CMIP: variants seen among roughly 807,000 people sequenced by gnomAD.
CMIP encodes the protein c-Maf inducing protein.
In CMIP, 13 loss-of-function variants were observed where a neutral mutation model predicts 97.3. The ratio of observed to expected loss-of-function variants is 0.13; its 90% CI spans 0.09 to 0.21. CMIP has a LOEUF of 0.21. CMIP is among the 10% of genes least tolerant of loss of function. The pLI is 1.00. For missense variants in CMIP, 847 were observed against 1,024.9 expected (o/e 0.83, Z 2.37); for synonymous variants, 538 against 436.3 (o/e 1.23, Z -2.91).
At chr16:81,554,166 A>G (rs527967974) in intron 1 of CMIP, among the ~76,000 whole-genome samples, 2 of 152,370 alleles carry the variant, frequency 1.3e-5, no homozygotes, top group South Asian at 2.1e-4. Flanking sequence ...TAATACAATC[A>G]GTGCCTGATA....
At chr16:81,492,697 G>A (rs7193307) in intron 1 of CMIP, among the ~76,000 whole-genome samples, 31,051 of 152,086 alleles carry the variant, frequency 0.2, 3,488 homozygotes, top group East Asian at 0.37. Context: ...GGAGAAAAAG[G>A]GGGGAAGAGA....
At chr16:81,692,631 T>A (rs1906225539) in intron 11 of CMIP, among the ~76,000 whole-genome samples, 1 of 152,022 alleles carries the variant, frequency 6.6e-6, no homozygotes, top group South Asian at 2.1e-4. Context: ...TCCCCGAGGG[T>A]CCCCAGTACT....
At chr16:81,676,460 A>G (rs968464254) in intron 9 of CMIP, among the ~76,000 whole-genome samples, 3 of 151,786 alleles carry the variant, frequency 2.0e-5, no homozygotes, top group Non-Finnish European at 4.4e-5. Flanking sequence ...AAAATCACCA[A>G]TCTGAGCCAA....
chr16:81,552,043 T>C (rs1282661016), intron 1 of CMIP, among the ~76,000 whole-genome samples: 1 of 152,148 alleles, frequency 6.6e-6, no homozygotes, highest in East Asian at 1.9e-4. Flanking sequence ...CAGGGAGGAC[T>C]GGGGAGCCCA....
chr16:81,669,248 C>T (rs1390923688), intron 7 of CMIP, among the ~76,000 whole-genome samples: 1 of 129,264 alleles, frequency 7.7e-6, no homozygotes, highest in African/African-American at 3.0e-5. Context: ...TCCACACCCA[C>T]CTCTCACACT....
chr16:81,675,294 C>G (rs145455799), intron 9 of CMIP, among the ~76,000 whole-genome samples: 1 of 152,074 alleles, frequency 6.6e-6, no homozygotes, highest in Admixed American at 6.5e-5. Flanking sequence ...ACCTCTGCCT[C>G]CTGTCTTCAA....
chr16:81,511,016 A>C (rs916072287), intron 1 of CMIP, among the ~76,000 whole-genome samples: 2 of 152,184 alleles, frequency 1.3e-5, no homozygotes, highest in Non-Finnish European at 1.5e-5. Context: ...CACAGCTGCC[A>C]GCCTAACTTT....
chr16:81,468,303 C>A (rs1907327151), intron 1 of CMIP, among the ~76,000 whole-genome samples: 1 of 152,232 alleles, frequency 6.6e-6, no homozygotes, highest in Admixed American at 6.5e-5. Flanking sequence ...CCCACTCAGA[C>A]CCCCAGGTGA....
At chr16:81,486,415 G>A (rs948804350) in intron 1 of CMIP, among the ~76,000 whole-genome samples, 1 of 152,202 alleles carries the variant, frequency 6.6e-6, no homozygotes. Context: ...TTGTTCTTGG[G>A]TTTCTTTTCT....
chr16:81,457,510 T>G (rs1226314235), intron 1 of CMIP, among the ~76,000 whole-genome samples: 1 of 152,156 alleles, frequency 6.6e-6, no homozygotes, highest in Non-Finnish European at 1.5e-5. Context: ...GAGCTTTTAT[T>G]CTAGGTTGGC....
Position 81,660,962 on chromosome 16 carries a change from G to T in CMIP, c.744+16G>T. 1 of 1,613,986 alleles carries T rather than the reference G, an allele frequency of 6.2e-7. No homozygotes were observed. The highest frequency in any genetic ancestry group is 1.1e-5 in the South Asian group (1 of 91,080). On this transcript the variant is annotated intron_variant, in intron 6 of 20. Coordinates refer to ENST00000537098, the MANE Select transcript of CMIP (RefSeq NM_198390.3). ...CTTTTGCAAGGTACGGGATTGCTGAGCTGGGGCTGTGGCTGCAGGAAGTAA... is the reference window on the plus strand; with the variant it reads ...CTTTTGCAAGGTACGGGATTGCTGATCTGGGGCTGTGGCTGCAGGAAGTAA...
chr16:81,669,223 C>T (rs2092651419), intron 7 of CMIP, among the ~76,000 whole-genome samples: 1 of 135,764 alleles, frequency 7.4e-6, no homozygotes, highest in Non-Finnish European at 1.6e-5. Context: ...TCACCTTCCA[C>T]ATCCACCTCA....
chr16:81,523,887 A>G (rs1011473099), intron 1 of CMIP, among the ~76,000 whole-genome samples: 1 of 152,236 alleles, frequency 6.6e-6, no homozygotes, highest in Admixed American at 6.5e-5. Flanking sequence ...CCAAACGTCA[A>G]GGCGTCTTGA....
rs912037776 is a variant in CMIP at position 81,663,114 on chromosome 16, T to A, written c.745-1155T>A. 8.7e-5 allele frequency among the ~76,000 whole-genome samples: 13 copies of A among 149,138 alleles called. 1 individual carries two copies. Among genetic ancestry groups the A allele is most frequent in the Admixed American group, 6.0e-4 (9 of 15,034 alleles). ...TTTAACTCCAAAAAAAAAAAAAAAA[T>A]TTTAAGGCTATGGCACTCGTAGGTA... On this transcript the variant is annotated intron_variant, in intron 6 of 20. Coordinates refer to ENST00000537098, the MANE Select transcript of CMIP (RefSeq NM_198390.3).
At position 81,678,375 on chromosome 16, in the gene CMIP, G is replaced by A; in HGVS notation, c.1135G>A (p.Asp379Asn). Residue 379 changes from aspartate (D) to asparagine (N), a missense_variant, in exon 10 of 21, where the codon GAC (aspartate) becomes AAC (asparagine). By Grantham distance (23) the Asp-to-Asn change is conservative (BLOSUM62 1). This residue lies in a region of CMIP where 202 missense variants were observed against 168.7 expected (regional missense o/e 1.20). Coordinates refer to ENST00000537098, the MANE Select transcript of CMIP (RefSeq NM_198390.3). ...LPLRLLHPSP[D>N]LVSQEATLSE... is the part of the protein sequence containing the mutation. ...TCTGCGCCTTCTGCACCCCAGCCCG[G>A]ACCTGGTGTCTCAGGAAGCCACGCT... 6.2e-7 allele frequency: 1 copy of A among 1,612,306 alleles called. No homozygotes were observed. The highest frequency in any genetic ancestry group is 8.5e-7 in the Non-Finnish European group (1 of 1,179,316).
At chr16:81,600,143 G>C (rs141329067) in intron 1 of CMIP, among the ~76,000 whole-genome samples, 1 of 152,028 alleles carries the variant, frequency 6.6e-6, no homozygotes, top group African/African-American at 2.4e-5. Flanking sequence ...GCCAGGAGTG[G>C]TGGTGGGTGA....
chr16:81,486,842 G>T (rs879819653), intron 1 of CMIP, among the ~76,000 whole-genome samples: 11 of 152,390 alleles, frequency 7.2e-5, no homozygotes, highest in Middle Eastern at 3.4e-3. Flanking sequence ...TGAGTGAGTT[G>T]TTCTTGGCCA....
At chr16:81,668,793 AAC>A (rs1016225393) in intron 7 of CMIP, among the ~76,000 whole-genome samples, 4 of 131,518 alleles carry the variant, frequency 3.0e-5, no homozygotes, top group East Asian at 2.6e-4. Flanking sequence ...GCCTGTCACA[AAC>A]ACACATCCAT....
chr16:81,537,535 CAAAAAAAAGACAAAAAAAAAAAAAAAA>C (rs1452301593), intron 1 of CMIP, among the ~76,000 whole-genome samples: 1 of 49,080 alleles, frequency 2.0e-5, no homozygotes, highest in East Asian at 9.9e-4. Flanking sequence ...ACTCCGTCTC[CAAAAAAAAGACAAAAAAAAAAAAAAAA>C]AAAAAAAAAG....
Sources: gnomAD v4.1 joint callset for allele counts (sites outside exome capture counted in the v4.1 genomes callset) on GRCh38, gnomAD v4.1.1 for gene constraint, gnomAD v4.1.1 regional missense constraint, MANE v1.5 for transcripts, NCBI Gene and HGNC (gene_info 2026-07-23, HGNC 2026-07-21) for gene names.